NRG1: variants seen among roughly 807,000 people sequenced by gnomAD.
The protein encoded by NRG1 is pro-neuregulin-1, membrane-bound isoform.
NRG1 carries 18 observed loss-of-function variants against 63.8 expected under a neutral mutation model. The observed-to-expected ratio is 0.28, with a 90% CI of 0.19 to 0.42. The LOEUF is 0.42. Ranked by LOEUF, NRG1 falls within the 10% of genes least tolerant of loss-of-function variation. NRG1 has a pLI of 1.00. For missense variants in NRG1, 762 were observed against 814.7 expected (o/e 0.94, Z 0.79); for synonymous variants, 302 against 301.3 (o/e 1.00, Z -0.02).
intron 11 of NRG1, chr8:32,760,938 C>G: frequency 1.0e-6 from 1 of 987,076 alleles, no homozygotes; most frequent in East Asian, 1.1e-4. Flanking sequence ...CCTATAGTAT[C>G]TATTTTATGA....
At chr8:32,721,970 A>T (rs953917464) in intron 5 of NRG1, 17 of 1,545,060 alleles carry the variant, frequency 1.1e-5, no homozygotes, top group Admixed American at 8.1e-5. Context: ...ATAATTTCAG[A>T]TTTTTTAACT....
chr8:31,903,828 G>T (rs959966865), intron 1 of NRG1, among the ~76,000 whole-genome samples: 1 of 152,036 alleles, frequency 6.6e-6, no homozygotes, highest in African/African-American at 2.4e-5. Flanking sequence ...GGTGATGTGC[G>T]CCTGTAATCC....
chr8:31,998,243 A>G (rs573357830), intron 1 of NRG1, among the ~76,000 whole-genome samples: 5 of 152,186 alleles, frequency 3.3e-5, no homozygotes, highest in Admixed American at 2.6e-4. Flanking sequence ...CCATAAAGAT[A>G]TAAGTCTTGA....
rs1589225251 is a variant in NRG1, at chr8:32,690,470, T to C, written c.503-37479T>C. ...GACCATCCTCCAGAGATGTATGCCATAAGGACAATGGAGGCCTCAGCTAAG... is the reference window on the plus strand; with the variant it reads ...GACCATCCTCCAGAGATGTATGCCACAAGGACAATGGAGGCCTCAGCTAAG... On this transcript the variant is annotated intron_variant, in intron 5 of 11. Coordinates refer to ENST00000356819, the Ensembl canonical transcript of NRG1. 1.3e-5 allele frequency among the ~76,000 whole-genome samples: 2 copies of C among 152,242 alleles called. 1 individual carries two copies. Among genetic ancestry groups the C allele is most frequent in the Non-Finnish European group, 2.9e-5 (2 of 68,028 alleles).
intron 1 of NRG1, among the ~76,000 whole-genome samples, chr8:31,719,604 G>A (rs1383425636): frequency 6.6e-6 from 1 of 152,146 alleles, no homozygotes; most frequent in Admixed American, 6.5e-5. Context: ...AATCGCTGCG[G>A]TTACTTTAGA....
At chr8:32,249,962 G>A (rs1170044265) in intron 1 of NRG1, among the ~76,000 whole-genome samples, 24 of 152,250 alleles carry the variant, frequency 1.6e-4, no homozygotes, top group Non-Finnish European at 1.5e-5. Context: ...TCTTATAAAA[G>A]TCATGAAGAA....
chr8:32,164,489 G>T (rs1839197469), intron 1 of NRG1, among the ~76,000 whole-genome samples: 2 of 152,078 alleles, frequency 1.3e-5, no homozygotes, highest in Admixed American at 1.3e-4. Flanking sequence ...CAGACATTTA[G>T]GTTTTATGGG....
intron 1 of NRG1, among the ~76,000 whole-genome samples, chr8:31,895,647 A>G (rs777858243): frequency 3.9e-5 from 6 of 151,998 alleles, no homozygotes; most frequent in Non-Finnish European, 7.4e-5. Context: ...TGCCTGTGCT[A>G]TCATTAACTG....
intron 5 of NRG1, among the ~76,000 whole-genome samples, chr8:32,654,752 C>T (rs1339594788): frequency 1.6e-5 from 2 of 124,978 alleles, no homozygotes; most frequent in East Asian, 4.7e-4. Flanking sequence ...GTTATCCCAA[C>T]TGAAATGCGT....
intron 1 of NRG1, among the ~76,000 whole-genome samples, chr8:32,322,862 G>GGT (rs1554508001): frequency 1.4e-5 from 2 of 146,966 alleles, no homozygotes; most frequent in African/African-American, 2.5e-5. Flanking sequence ...AATTCTCTGG[G>GGT]TTTTTTTTTT....
At chr8:31,879,070 CAAGT>C (rs1467270740) in intron 1 of NRG1, among the ~76,000 whole-genome samples, 3 of 151,946 alleles carry the variant, frequency 2.0e-5, no homozygotes, top group Admixed American at 2.0e-4. Context: ...CCATTGGTGA[CAAGT>C]AAGGTATAGA....
At chr8:32,034,911 A>C (rs1352904252) in intron 1 of NRG1, among the ~76,000 whole-genome samples, 1 of 149,710 alleles carries the variant, frequency 6.7e-6, no homozygotes, top group Non-Finnish European at 1.5e-5. Flanking sequence ...GGATTCATTG[A>C]CTATTTTTAA....
At chr8:31,983,200 A>C (rs1041799452) in intron 1 of NRG1, among the ~76,000 whole-genome samples, 2 of 152,226 alleles carry the variant, frequency 1.3e-5, no homozygotes, top group East Asian at 3.9e-4. Flanking sequence ...GTCAATACTG[A>C]AAACATCCCT....
Position 32,731,237 on chromosome 8 carries a change from C to G in NRG1, c.632+3159C>G, listed in dbSNP as rs183782770. The stretch of plus-strand genomic sequence containing the variant: ...AACTGCAATTTTTCTTCACTCAACA[C>G]AGTTTCTCATTAAATCTTAAGCCTA... On this transcript the variant is annotated intron_variant, in intron 6 of 11. Transcript: ENST00000356819. Among the ~76,000 whole-genome samples, 592 of 152,250 alleles carry G rather than the reference C, an allele frequency of 3.9e-3. 5 individuals are homozygous for G. Among genetic ancestry groups the G allele is most frequent in the African/African-American group, 0.013 (559 of 41,544 alleles).
chr8:32,449,096 A>C (rs1820640745), intron 1 of NRG1, among the ~76,000 whole-genome samples: 1 of 152,034 alleles, frequency 6.6e-6, no homozygotes, highest in African/African-American at 2.4e-5. Flanking sequence ...GGAGTTTGAG[A>C]CCAGTCTGGG....
chr8:31,958,080 T>TAGATAGATAGATAGATAGATAGAC lies in NRG1; in HGVS notation c.37+318652_37+318653insTAGATAGATAGATAGATAGACAGA, dbSNP rs781754647. Among the ~76,000 whole-genome samples, 23 of 151,792 alleles carry TAGATAGATAGATAGATAGATAGAC rather than the reference T, an allele frequency of 1.5e-4. No homozygotes were observed. The East Asian group carries it at 2.5e-3, about 17-fold the overall frequency. Reference sequence around the variant, plus strand: ...ATAGATAGATAGATAGATAGATAGATAGACAGACAGATAGATAGGCAGAGA... The same window carrying TAGATAGATAGATAGATAGATAGAC: ...ATAGATAGATAGATAGATAGATAGATAGATAGATAGATAGATAGATAGACAGACAGACAGATAGATAGGCAGAGA... On this transcript the variant is annotated intron_variant, in intron 1 of 10. Coordinates refer to the NRG1 transcript ENST00000519301.
At chr8:32,193,659 C>A (rs918868197) in intron 1 of NRG1, among the ~76,000 whole-genome samples, 9 of 152,046 alleles carry the variant, frequency 5.9e-5, no homozygotes, top group Non-Finnish European at 1.0e-4. Flanking sequence ...TGCCGCCCCC[C>A]TGCCAAAAAG....
intron 1 of NRG1, among the ~76,000 whole-genome samples, chr8:32,193,146 G>T (rs1842651077): frequency 6.6e-6 from 1 of 152,160 alleles, no homozygotes; most frequent in Non-Finnish European, 1.5e-5. Flanking sequence ...AGGAAGACAG[G>T]ACTAGTCATT....
exon 11 of NRG1, chr8:32,760,361 C>T: frequency 6.2e-7 from 1 of 1,613,920 alleles, no homozygotes; most frequent in Non-Finnish European, 8.5e-7. Flanking sequence ...CTCAGGCATG[C>T]CAGAGAAACC....
Sources: gnomAD v4.1 joint callset for allele counts (sites outside exome capture counted in the v4.1 genomes callset) on GRCh38, gnomAD v4.1.1 for gene constraint, MANE v1.5 for transcripts, NCBI Gene and HGNC (gene_info 2026-07-23, HGNC 2026-07-21) for gene names.